HIPK3: variants seen among roughly 807,000 people sequenced by gnomAD.
HIPK3 encodes the protein homeodomain interacting protein kinase 3, also known as homeodomain-interacting protein kinase 3.
HIPK3 carries 47 observed loss-of-function variants against 124.2 expected under a neutral mutation model. The observed-to-expected ratio is 0.38, with a 90% confidence interval of 0.30 to 0.48. The LOEUF (loss-of-function observed/expected upper bound fraction) is 0.48, where lower values mean the gene tolerates loss of function less well. Ranked by LOEUF, HIPK3 falls within the 20% of genes least tolerant of loss-of-function variation. The pLI, the probability that HIPK3 is intolerant of heterozygous loss-of-function variation, is 0.98. For missense variants in HIPK3, 1,286 were observed against 1,454.3 expected (o/e 0.88, Z 1.88); for synonymous variants, 482 against 515.2 (o/e 0.94, Z 0.87).
At chr11:33,336,298 A>G (rs1590182613) in intron 3 of HIPK3, among the ~76,000 whole-genome samples, 1 of 152,108 alleles carries the variant, frequency 6.6e-6, no homozygotes. Context: ...TTTTAGTATC[A>G]CCCTTGGGAG....
intron 1 of HIPK3, among the ~76,000 whole-genome samples, chr11:33,281,347 A>C (rs528513208): frequency 3.3e-5 from 5 of 152,140 alleles, no homozygotes; most frequent in Admixed American, 2.0e-4. Flanking sequence ...ATGAACTCCA[A>C]TATACCCATC....
chr11:33,314,943 A>G lies in HIPK3; in HGVS notation c.1098-13567A>G, dbSNP rs1590392446. On this transcript the variant is annotated intron_variant, in intron 2 of 16. Coordinates refer to ENST00000303296, the MANE Select transcript of HIPK3 (RefSeq NM_005734.5). ...TCCTAATCACCTGTAAAATCAGGAT[A>G]CTTACATTTATTTTGTTATGTCATA... 2.6e-5 allele frequency among the ~76,000 whole-genome samples: 4 copies of G among 152,334 alleles called. No homozygotes were observed. In the East Asian group the frequency reaches 7.7e-4, roughly 29 times the overall value.
chr11:33,355,134 A>T lies in HIPK3; in HGVS notation c.*1566A>T, dbSNP rs1853782042. On this transcript the variant is annotated 3_prime_UTR_variant, in exon 17 of 17. Coordinates refer to ENST00000303296, the MANE Select transcript of HIPK3 (RefSeq NM_005734.5). ...CTTCAGATAGCTGTGAAATTAGGTG[A>T]TTAACTAGTTGTTATTTAGCCTTCT... 6.6e-6 allele frequency: 1 copy of T among 152,074 alleles called. No individual in the cohort carries two copies. Among genetic ancestry groups the T allele is most frequent in the African/African-American group, 2.4e-5 (1 of 41,448 alleles). 9.4% of individuals were successfully genotyped at this position (152,074 alleles called of 1,614,324 possible). A position where few individuals can be genotyped will look rare whatever the true frequency, so the allele number is the denominator to read the frequency against.
intron 2 of HIPK3, among the ~76,000 whole-genome samples, chr11:33,312,668 G>A (rs748826760): frequency 7.2e-5 from 11 of 152,046 alleles, no homozygotes; most frequent in Non-Finnish European, 1.3e-4. Flanking sequence ...CTTTGTAGAG[G>A]GCATATTTTA....
chr11:33,258,501 G>A, intron 1 of HIPK3: 1 of 985,462 alleles, frequency 1.0e-6, no homozygotes, highest in Non-Finnish European at 1.2e-6. Context: ...GGAGAAATGT[G>A]ATCCGCGGCT....
At chr11:33,277,841 G>A (rs896573928) in intron 1 of HIPK3, among the ~76,000 whole-genome samples, 1 of 152,110 alleles carries the variant, frequency 6.6e-6, no homozygotes, top group African/African-American at 2.4e-5. Flanking sequence ...TTGCCAGTTT[G>A]GTGGCTATAA....
At chr11:33,339,302 C>T (rs376578336) in intron 5 of HIPK3, 48 bp from the exon 6 acceptor site, 65 of 1,449,148 alleles carry the variant, frequency 4.5e-5, no homozygotes, top group East Asian at 2.3e-4. Context: ...TTATACTACT[C>T]TCTGTGACTT....
At chr11:33,310,326 T>C (rs1852298029) in intron 2 of HIPK3, among the ~76,000 whole-genome samples, 1 of 91,510 alleles carries the variant, frequency 1.1e-5, no homozygotes, top group African/African-American at 3.6e-5. Flanking sequence ...ATCTATTCTA[T>C]TGAGGGTCTT....
intron 2 of HIPK3, among the ~76,000 whole-genome samples, chr11:33,322,811 G>C (rs1038070294): frequency 6.6e-6 from 1 of 152,180 alleles, no homozygotes; most frequent in Admixed American, 6.5e-5. Context: ...GGGTGACAGA[G>C]CGAGACTCCG....
chr11:33,354,563 A>G lies in HIPK3; in HGVS notation c.*995A>G, dbSNP rs1283391180. 3 of 152,692 alleles carry G rather than the reference A, an allele frequency of 2.0e-5. No individual in the cohort carries two copies. The highest frequency in any genetic ancestry group is 6.5e-5 in the Admixed American group (1 of 15,286). The allele number at this position is 152,692 out of a possible 1,614,324, so 9.5% of individuals were successfully genotyped here. Reference sequence around the variant, plus strand: ...GTAGATAATAAAATGCAAAATGCTCATTGATTCATGATGTGGTTTTATCTT... The same window carrying G: ...GTAGATAATAAAATGCAAAATGCTCGTTGATTCATGATGTGGTTTTATCTT... On this transcript the variant is annotated 3_prime_UTR_variant, in exon 17 of 17. Coordinates refer to ENST00000303296, the MANE Select transcript of HIPK3 (RefSeq NM_005734.5).
At chr11:33,305,772 C>G (rs1235154350) in intron 2 of HIPK3, among the ~76,000 whole-genome samples, 1 of 152,170 alleles carries the variant, frequency 6.6e-6, no homozygotes, top group Non-Finnish European at 1.5e-5. Flanking sequence ...AAGTCCTCAT[C>G]TGTTTGGACC....
chr11:33,288,120 A>G (rs908323932), intron 2 of HIPK3, among the ~76,000 whole-genome samples: 1 of 152,182 alleles, frequency 6.6e-6, no homozygotes, highest in African/African-American at 2.4e-5. Flanking sequence ...CTCAACCTGT[A>G]TAAGGATTCA....
At chr11:33,293,938 A>G (rs1164804296) in intron 2 of HIPK3, among the ~76,000 whole-genome samples, 1 of 152,096 alleles carries the variant, frequency 6.6e-6, no homozygotes, top group Non-Finnish European at 1.5e-5. Context: ...AGGCCGAGGC[A>G]GGTGGATCGC....
chr11:33,343,477 A>T (rs1590189687), intron 8 of HIPK3, among the ~76,000 whole-genome samples: 1 of 151,870 alleles, frequency 6.6e-6, no homozygotes, highest in South Asian at 2.1e-4. Context: ...ACAGGGTTTC[A>T]CCATGTTGGC....
chr11:33,293,264 G>C (rs538618652), intron 2 of HIPK3, among the ~76,000 whole-genome samples: 14 of 152,114 alleles, frequency 9.2e-5, no homozygotes, highest in African/African-American at 3.4e-4. Context: ...ACAATTTAAT[G>C]GCTTTTAGTA....
In HIPK3 at chr11:33,295,285, C is replaced by CG. The variant is rs1851811799; in HGVS notation, c.1097+7774_1097+7775insG. Among the ~76,000 whole-genome samples, 7 of 149,838 alleles carry CG rather than the reference C, an allele frequency of 4.7e-5. No homozygotes were observed. The South Asian group carries it at 6.4e-4, about 14-fold the overall frequency. On this transcript the variant is annotated intron_variant, in intron 2 of 16. Transcript: ENST00000303296. ...GAGAAGCAGCCACCACCGCCCCCCC[C>CG]CCACAACTCCACCCCATCCCCGCCC...
intron 1 of HIPK3, among the ~76,000 whole-genome samples, chr11:33,278,737 G>C (rs546512850): frequency 6.6e-6 from 1 of 152,070 alleles, no homozygotes; most frequent in African/African-American, 2.4e-5. Flanking sequence ...CCAGCTACTC[G>C]GAAGGCTGAG....
chr11:33,305,974 C>T (rs1327905238), intron 2 of HIPK3, among the ~76,000 whole-genome samples: 1 of 152,080 alleles, frequency 6.6e-6, no homozygotes, highest in Non-Finnish European at 1.5e-5. Context: ...TCAAGCGTTC[C>T]TCTTGCCTCA....
rs1468064283 is a variant in HIPK3, at chr11:33,343,283, G to GTC, written c.1897+1598_1897+1599insCT. Among the ~76,000 whole-genome samples the GTC allele has an allele frequency of 3.9e-3, 584 of 149,722 alleles. 12 individuals are homozygous for GTC. Among genetic ancestry groups the GTC allele is most frequent in the African/African-American group, 0.014 (565 of 40,334 alleles). On this transcript the variant is annotated intron_variant, in intron 8 of 16. Transcript: ENST00000303296. ...TGTGTGTGTGTGTGTGTGTGTGTGT[G>GTC]TGTGTGTCTTTTTTTGAGATAGTGT...
Sources: gnomAD v4.1 joint callset for allele counts (sites outside exome capture counted in the v4.1 genomes callset) on GRCh38, gnomAD v4.1.1 for gene constraint, MANE v1.5 for transcripts, NCBI Gene and HGNC (gene_info 2026-07-23, HGNC 2026-07-21) for gene names.